Variants in CTNNA2 observed in about 807,000 individuals in gnomAD.
The protein encoded by CTNNA2 is catenin alpha-2.
In CTNNA2, 42 loss-of-function variants were observed where a neutral mutation model predicts 101.0. That is an observed-to-expected ratio of 0.42 (90% confidence interval 0.32 to 0.54). CTNNA2 has a LOEUF of 0.54. Among genes scored for constraint, CTNNA2 ranks in the 20% least tolerant of loss-of-function variants. The pLI, the probability that CTNNA2 is intolerant of heterozygous loss-of-function variation, is 0.14. For missense variants in CTNNA2, 871 were observed against 1,223.1 expected, an observed-to-expected ratio of 0.71 and a Z score of 4.29; for synonymous variants, 450 against 456.4, an observed-to-expected ratio of 0.99 and a Z score of 0.18.
At chr2:80,437,124 G>T (rs180838864) in intron 9 of CTNNA2, among the ~76,000 whole-genome samples, 2 of 152,272 alleles carry the variant, frequency 1.3e-5, no homozygotes, top group East Asian at 1.9e-4. Context: ...CCCTCACTGG[G>T]CACTGAATCT....
At chr2:79,709,488 G>T (rs1685606020) in intron 2 of CTNNA2, among the ~76,000 whole-genome samples, 1 of 152,048 alleles carries the variant, frequency 6.6e-6, no homozygotes, top group Non-Finnish European at 1.5e-5. Flanking sequence ...GTCGGACAGG[G>T]TTACTGTAGG....
intron 7 of CTNNA2, among the ~76,000 whole-genome samples, chr2:80,172,791 C>T (rs1705147947): frequency 6.6e-6 from 1 of 152,156 alleles, no homozygotes; most frequent in African/African-American, 2.4e-5. Context: ...CTTATAGATG[C>T]ATCACCCTGA....
intron 2 of CTNNA2, among the ~76,000 whole-genome samples, chr2:79,686,544 GAAAC>G (rs567319065): frequency 1.9e-3 from 284 of 151,880 alleles, no homozygotes; most frequent in African/African-American, 6.5e-3. Flanking sequence ...CATACCCTGA[GAAAC>G]AAACAAAAAA....
At chr2:79,639,729 A>G (rs892611426) in intron 1 of CTNNA2, among the ~76,000 whole-genome samples, 63 of 152,152 alleles carry the variant, frequency 4.1e-4, no homozygotes, top group Non-Finnish European at 1.9e-4. Flanking sequence ...CTATTGTAGG[A>G]AATTTGGGTT....
intron 3 of CTNNA2, among the ~76,000 whole-genome samples, chr2:79,842,250 G>A (rs539299020): frequency 2.3e-4 from 35 of 152,274 alleles, no homozygotes; most frequent in African/African-American, 7.9e-4. Flanking sequence ...CCCAAATTCT[G>A]TAGCTAGCCT....
In CTNNA2 at chr2:79,280,685, A is replaced by AGAGAGAGAGAGAGAGAGAGAG. The variant is rs1553390858; in HGVS notation, c.-405-32024_-405-32023insGAGAGAGAGAGAGAGAGAGAG. 8.0e-4 allele frequency among the ~76,000 whole-genome samples: 71 copies of AGAGAGAGAGAGAGAGAGAGAG among 88,520 alleles called. 6 individuals are homozygous for AGAGAGAGAGAGAGAGAGAGAG. The highest frequency in any genetic ancestry group is 1.3e-3 in the African/African-American group (24 of 19,106). The allele number at this position is 88,520 out of a possible 152,430, so 58.1% of individuals were successfully genotyped here. ...AGAAAGAGAGAGAGAGAGAGAGAGA[A>AGAGAGAGAGAGAGAGAGAGAG]AGAGAGAGAGAGAGAGACCTATAGC... On this transcript the variant is annotated intron_variant, in intron 2 of 21. Coordinates refer to the CTNNA2 transcript ENST00000466387.
chr2:79,885,829 A>G (rs1450725569), intron 6 of CTNNA2, among the ~76,000 whole-genome samples: 1 of 152,186 alleles, frequency 6.6e-6, no homozygotes, highest in Non-Finnish European at 1.5e-5. Flanking sequence ...AACCAAGAAC[A>G]CTGGAAAGAG....
chr2:80,092,163 T>C (rs564362643), intron 7 of CTNNA2, among the ~76,000 whole-genome samples: 2 of 152,220 alleles, frequency 1.3e-5, no homozygotes, highest in East Asian at 3.9e-4. Flanking sequence ...TAAGCCTTTC[T>C]CTCTTGGGTT....
intron 7 of CTNNA2, among the ~76,000 whole-genome samples, chr2:79,956,263 C>A (rs1689214598): frequency 6.6e-6 from 1 of 152,078 alleles, no homozygotes; most frequent in African/African-American, 2.4e-5. Flanking sequence ...CCTAATCAGT[C>A]AATTTCTGCT....
At chr2:79,869,185 G>A (rs113330245) in intron 4 of CTNNA2, among the ~76,000 whole-genome samples, 12,284 of 152,228 alleles carry the variant, frequency 0.081, 554 homozygotes, top group Admixed American at 0.12. Flanking sequence ...TTGGTAGGGC[G>A]GTGTGCTTGC....
chr2:80,599,979 G>T (rs1303058439), intron 15 of CTNNA2, among the ~76,000 whole-genome samples: 3 of 141,646 alleles, frequency 2.1e-5, no homozygotes, highest in African/African-American at 5.4e-5. Context: ...ATAGAATTTG[G>T]TAGTTGACAA....
chr2:79,899,668 T>C (rs886099183), intron 6 of CTNNA2, among the ~76,000 whole-genome samples: 1 of 152,262 alleles, frequency 6.6e-6, no homozygotes, highest in African/African-American at 2.4e-5. Context: ...ACTGAACTGT[T>C]TAATTACAAA....
intron 7 of CTNNA2, among the ~76,000 whole-genome samples, chr2:80,042,287 G>A (rs1370889168): frequency 6.6e-6 from 1 of 152,042 alleles, no homozygotes; most frequent in Non-Finnish European, 1.5e-5. Context: ...GTTTTGTTTT[G>A]TTCTGTTTTT....
chr2:79,249,183 G>GC (rs60120028), intron 2 of CTNNA2, among the ~76,000 whole-genome samples: 39,661 of 151,958 alleles, frequency 0.26, 5,496 homozygotes, highest in Admixed American at 0.36. Context: ...CACAATGCAT[G>GC]AAAACTCCTG....
chr2:79,969,210 A>C (rs1196128511), intron 7 of CTNNA2, among the ~76,000 whole-genome samples: 2 of 152,222 alleles, frequency 1.3e-5, no homozygotes, highest in African/African-American at 4.8e-5. Context: ...ACAACAAAAA[A>C]ATTTTAATGT....
intron 7 of CTNNA2, among the ~76,000 whole-genome samples, chr2:80,219,451 C>T (rs1384631012): frequency 6.6e-6 from 1 of 152,156 alleles, no homozygotes; most frequent in Non-Finnish European, 1.5e-5. Context: ...TTTGATTCAA[C>T]CTCTTTGAAT....
At chr2:79,810,869 A>G (rs1376584835) in intron 3 of CTNNA2, among the ~76,000 whole-genome samples, 1 of 151,750 alleles carries the variant, frequency 6.6e-6, no homozygotes, top group Non-Finnish European at 1.5e-5. Flanking sequence ...ATCATTTTTT[A>G]TGGCTGCATA....
intron 9 of CTNNA2, among the ~76,000 whole-genome samples, chr2:80,472,909 T>A (rs1165186371): frequency 6.6e-6 from 1 of 152,128 alleles, no homozygotes; most frequent in African/African-American, 2.4e-5. Context: ...TAGGAGAGGA[T>A]GAGGTCTGCC....
chr2:80,053,776 A>G (rs578136251), intron 7 of CTNNA2, among the ~76,000 whole-genome samples: 1 of 152,348 alleles, frequency 6.6e-6, no homozygotes, highest in South Asian at 2.1e-4. Context: ...CTGTTCACAC[A>G]GTGAGGTAGC....
Sources: allele counts gnomAD v4.1 joint callset (sites outside exome capture counted in the v4.1 genomes callset), GRCh38; gene constraint gnomAD v4.1.1; transcripts MANE v1.5; gene names NCBI Gene and HGNC (gene_info 2026-07-23, HGNC 2026-07-21).